The following EFCAB14 variants were observed in gnomAD, a reference collection of about 807,000 sequenced individuals.
EFCAB14 encodes EF-hand calcium-binding domain-containing protein 14.
Under a neutral mutation model 56.5 loss-of-function variants are expected in EFCAB14, and 43 were observed. The ratio of observed to expected loss-of-function variants is 0.76; its 90% confidence interval spans 0.60 to 0.98. The LOEUF is 0.98. Among genes scored for constraint, EFCAB14 ranks in the 50% least tolerant of loss-of-function variants. The probability of loss-of-function intolerance (pLI) is 0.00; values close to 1 mark genes in which losing one functional copy is unlikely to be tolerated. For missense variants in EFCAB14, 538 were observed against 580.3 expected (o/e 0.93, Z 0.75); for synonymous variants, 235 against 212.9 (o/e 1.10, Z -0.90).
chr1:46,685,061 A>C (rs1445984745), intron 8 of EFCAB14: 2 of 152,954 alleles, frequency 1.3e-5, no homozygotes, highest in African/African-American at 4.8e-5. Flanking sequence ...TTACAAAAAG[A>C]AGCAACTGAA....
rs1676735502 is a variant in EFCAB14, at chr1:46,678,630, T to C, written c.1319A>G (p.Gln440Arg). ...CTGGCCAGTCTTGCGGAATAAATCC[T>C]GAAGATCTGTCAAAAATGAATTACA... is the stretch of plus-strand genomic sequence containing the variant. ...LPGVSSTEDL[Q>R]DLFRKTGQDV... Residue 440 changes from glutamine to arginine, a missense_variant, in exon 11 of 11, where the codon CAG becomes CGG. Physicochemically the swap from Gln to Arg is conservative, Grantham distance 43 (BLOSUM62 1). Coordinates refer to ENST00000371933, the MANE Select transcript of EFCAB14 (RefSeq NM_014774.3). The C allele has an allele frequency of 3.7e-6, 6 of 1,608,788 alleles. No homozygotes were observed. Among genetic ancestry groups the C allele is most frequent in the South Asian group, 1.1e-5 (1 of 90,278 alleles).
In EFCAB14 at chr1:46,688,404, A is replaced by G. The variant is rs535014634; in HGVS notation, c.936T>C (p.Asp312=). Residue 312 remains aspartate (D), a synonymous_variant, in exon 7 of 11, where the codon GAT becomes GAC. Coordinates refer to ENST00000371933, the MANE Select transcript of EFCAB14 (RefSeq NM_014774.3). ...TTTCTACCTTGCTCATAGCAACCAC[A>G]TCGCTTTCTATCAGGTTGACTCTCT... ...LTQRVNLIES[D]VVAMSKVEKK... is the part of the protein sequence containing the mutation. 170 of 1,613,978 alleles carry G rather than the reference A, an allele frequency of 1.1e-4. 1 individual carries two copies. In the South Asian group the frequency reaches 1.7e-3, roughly 16 times the overall value.
intron 10 of EFCAB14, 38 bp from the exon 11 acceptor site, chr1:46,678,674 A>G: frequency 1.9e-6 from 3 of 1,558,700 alleles, no homozygotes; most frequent in Non-Finnish European, 2.6e-6. Flanking sequence ...ATACGTCTAA[A>G]CATACAGCTA....
chr1:46,708,093 G>A (rs1238787899), intron 2 of EFCAB14, 42 bp from the exon 3 acceptor site: 5 of 1,585,216 alleles, frequency 3.2e-6, no homozygotes, highest in African/African-American at 1.4e-5. Context: ...AGCATAAAGT[G>A]CCCTCATGGT....
At chr1:46,693,707 T>C (rs971804506) in intron 4 of EFCAB14, among the ~76,000 whole-genome samples, 2 of 152,170 alleles carry the variant, frequency 1.3e-5, no homozygotes, top group African/African-American at 4.8e-5. Context: ...TCTTTTCTTT[T>C]TTCCCCTAAG....
chr1:46,687,349 AG>A (rs890399048), intron 7 of EFCAB14, among the ~76,000 whole-genome samples: 27 of 152,322 alleles, frequency 1.8e-4, no homozygotes, highest in Middle Eastern at 3.4e-3. Flanking sequence ...TGAGTTCAAA[AG>A]GGCTTCGTAA....
chr1:46,687,176 G>T (rs905152784), intron 7 of EFCAB14, among the ~76,000 whole-genome samples: 11 of 152,200 alleles, frequency 7.2e-5, no homozygotes, highest in African/African-American at 2.4e-4. Flanking sequence ...CAGTAGGACA[G>T]ATGGATACTA....
intron 6 of EFCAB14, 117 bp from the exon 7 acceptor site, chr1:46,688,661 G>T: frequency 1.2e-6 from 1 of 859,968 alleles, no homozygotes; most frequent in Non-Finnish European, 1.8e-6. Flanking sequence ...CCTTTTCCTG[G>T]TTTTGACCAT....
chr1:46,681,117 C>T (rs1676787335), intron 10 of EFCAB14, among the ~76,000 whole-genome samples: 1 of 152,088 alleles, frequency 6.6e-6, no homozygotes, highest in African/African-American at 2.4e-5. Context: ...CGCTACCACG[C>T]CTGGCTAATT....
chr1:46,696,185 C>G (rs1355147251), intron 4 of EFCAB14, among the ~76,000 whole-genome samples: 5 of 150,020 alleles, frequency 3.3e-5, no homozygotes, highest in Non-Finnish European at 5.9e-5. Context: ...AATTGGTCTG[C>G]TTTGATGAAG....
chr1:46,684,557 G>C lies in EFCAB14; in HGVS notation c.1120C>G (p.Leu374Val). Residue 374 changes from leucine to valine, a missense_variant, in exon 9 of 11, where the codon CTC (leucine) becomes GTC (valine). Physicochemically the swap from Leu to Val is conservative, Grantham distance 32 (BLOSUM62 1). Transcript: ENST00000371933. Reference sequence around the variant, plus strand: ...TTTGTAAGAGCACTGATCAGCTGGAGTTTCTCTCTTAGCTTGGATACCTGA... The same window carrying C: ...TTTGTAAGAGCACTGATCAGCTGGACTTTCTCTCTTAGCTTGGATACCTGA... The part of the protein sequence containing the change: ...NSQVSKLREK[L>V]QLISALTNKP... The C allele has an allele frequency of 6.2e-7, 1 of 1,614,100 alleles. No individual in the cohort carries two copies.
At chr1:46,694,595 T>G (rs1429454192) in intron 4 of EFCAB14, among the ~76,000 whole-genome samples, 3 of 152,256 alleles carry the variant, frequency 2.0e-5, no homozygotes, top group South Asian at 2.1e-4. Flanking sequence ...CTGGAGAGGA[T>G]GTGGAGAAAT....
In EFCAB14 at chr1:46,707,984, T is replaced by G; in HGVS notation, c.402A>C (p.Gln134His). ...PKLNEELLSK[Q>H]KQLEKIESGE... is the part of the protein sequence containing the mutation. ...CAGATTCAATCTTCTCAAGTTGTTT[T>G]TGCTTGCTGAGTAGTTCTTCATTAA... The change falls in exon 3 of 11, where the codon CAA (glutamine) becomes CAC (histidine). Residue 134 changes from glutamine (Q) to histidine (H), a missense_variant. By Grantham distance (24) the Gln-to-His change is conservative. Coordinates refer to ENST00000371933, the MANE Select transcript of EFCAB14 (RefSeq NM_014774.3). The G allele has an allele frequency of 6.2e-7, 1 of 1,613,076 alleles. No homozygotes were observed. Among genetic ancestry groups the G allele is most frequent in the Non-Finnish European group, 8.5e-7 (1 of 1,179,770 alleles).
intron 10 of EFCAB14, among the ~76,000 whole-genome samples, chr1:46,679,546 G>A (rs1183964645): frequency 7.0e-6 from 1 of 142,224 alleles, no homozygotes; most frequent in African/African-American, 2.6e-5. Context: ...CAGGTGATTC[G>A]CCCACCTGGG....
chr1:46,679,126 G>C (rs939044991), intron 10 of EFCAB14, among the ~76,000 whole-genome samples: 1 of 152,190 alleles, frequency 6.6e-6, no homozygotes, highest in African/African-American at 2.4e-5. Context: ...ACAGACTGTG[G>C]CATATTGTGA....
chr1:46,679,637 G>GTTTTTT (rs1676759391), intron 10 of EFCAB14, among the ~76,000 whole-genome samples: 1 of 78,652 alleles, frequency 1.3e-5, no homozygotes, highest in African/African-American at 4.4e-5. Context: ...TTTTGGTGGA[G>GTTTTTT]TCTTACTCTG....
rs1304493580 is a variant in EFCAB14 at position 46,678,278 on chromosome 1, A to G, written c.*183T>C. 5 of 474,210 alleles carry G rather than the reference A, an allele frequency of 1.1e-5. No individual in the cohort carries two copies. The highest frequency in any genetic ancestry group is 1.0e-4 in the African/African-American group (5 of 49,502). 29.4% of individuals were successfully genotyped at this position (474,210 alleles called of 1,614,324 possible). ...AAATCATAGATTTCTGAACATCATA[A>G]GTAAAATGGTCTTCTTCTTTAAAAA... On this transcript the variant is annotated 3_prime_UTR_variant, in exon 11 of 11. Transcript: ENST00000371933.
chr1:46,680,205 G>GTA (rs1257399084), intron 10 of EFCAB14, among the ~76,000 whole-genome samples: 3 of 151,940 alleles, frequency 2.0e-5, no homozygotes, highest in Admixed American at 1.3e-4. Flanking sequence ...CCATTCCTAG[G>GTA]TATATATATA....
At chr1:46,691,770 T>C in intron 5 of EFCAB14, 57 bp downstream of exon 5, 3 of 1,340,486 alleles carry the variant, frequency 2.2e-6, no homozygotes, top group Non-Finnish European at 3.2e-6. Flanking sequence ...GTTGGCAACA[T>C]GACTCTTACA....
Sources: gnomAD v4.1 joint callset for allele counts (sites outside exome capture counted in the v4.1 genomes callset) on GRCh38, gnomAD v4.1.1 for gene constraint, MANE v1.5 for transcripts, NCBI Gene and HGNC (gene_info 2026-07-23, HGNC 2026-07-21) for gene names.